The following PLCH1 variants were observed in gnomAD, a reference collection of about 807,000 sequenced individuals.
PLCH1 encodes 1-phosphatidylinositol 4,5-bisphosphate phosphodiesterase eta-1.
Under a neutral mutation model 126.7 loss-of-function variants are expected in PLCH1, and 60 were observed. The ratio of observed to expected loss-of-function variants is 0.47; its 90% CI spans 0.38 to 0.59. PLCH1 has a LOEUF of 0.59. Ranked by LOEUF, PLCH1 falls within the 20% of genes least tolerant of loss-of-function variation. The pLI is 0.00. For missense variants in PLCH1, 1,723 were observed against 2,040.0 expected (o/e 0.84, Z 2.99); for synonymous variants, 719 against 734.9 (o/e 0.98, Z 0.35).
At chr3:155,554,305 T>C in intron 8 of PLCH1, 109 bp from the exon 9 acceptor site, 2 of 1,034,314 alleles carry the variant, frequency 1.9e-6, no homozygotes, top group African/African-American at 1.6e-5. Context: ...TATACCCATT[T>C]CAATCCTGAC....
intron 7 of PLCH1, among the ~76,000 whole-genome samples, chr3:155,565,414 C>A (rs1169499711): frequency 6.6e-6 from 1 of 152,036 alleles, no homozygotes; most frequent in Non-Finnish European, 1.5e-5. Flanking sequence ...GCTGTCTTTG[C>A]AGTAGCGCAT....
intron 7 of PLCH1, 40 bp downstream of exon 7, chr3:155,568,191 G>C: frequency 1.1e-6 from 1 of 898,676 alleles, no homozygotes; most frequent in African/African-American, 1.7e-5. Flanking sequence ...TTAACAGGCT[G>C]AATCAAGAAA....
intron 2 of PLCH1, among the ~76,000 whole-genome samples, chr3:155,699,383 T>G (rs145091694): frequency 1.6e-3 from 245 of 152,338 alleles, no homozygotes; most frequent in Non-Finnish European, 3.1e-3. Flanking sequence ...AGCCTGATAC[T>G]TTTAATCTTA....
At chr3:155,695,640 A>G (rs1236393653) in intron 2 of PLCH1, among the ~76,000 whole-genome samples, 1 of 152,268 alleles carries the variant, frequency 6.6e-6, no homozygotes, top group African/African-American at 2.4e-5. Context: ...CTTGGGTTGG[A>G]GAGACAGAAA....
chr3:155,567,043 A>C (rs774561778), intron 7 of PLCH1, among the ~76,000 whole-genome samples: 3 of 152,160 alleles, frequency 2.0e-5, no homozygotes, highest in Non-Finnish European at 4.4e-5. Flanking sequence ...TTTTTAAAAC[A>C]GTTTTTAATG....
Position 155,482,956 on chromosome 3 carries a change from G to C in PLCH1, c.3070C>G (p.Leu1024Val). 6.2e-7 allele frequency: 1 copy of C among 1,614,118 alleles called. No homozygotes were observed. The highest frequency in any genetic ancestry group is 8.5e-7 in the Non-Finnish European group (1 of 1,179,964). ...CCTTGGCTGGTATCTTTGTGGAGCA[G>C]AGCACTGGAGGAGGATGATAACTTT... ...NKKLSSSSSA[L>V]LHKDTSQGDT... The change falls in exon 23 of 23, where the codon CTG becomes GTG. Residue 1024 changes from leucine to valine, a missense_variant. Leu to Val is a conservative substitution (Grantham distance 32, BLOSUM62 1). Coordinates refer to ENST00000460012, the MANE Select transcript of PLCH1 (RefSeq NM_014996.4).
intron 2 of PLCH1, among the ~76,000 whole-genome samples, chr3:155,644,747 C>T (rs1427158564): frequency 6.6e-6 from 1 of 152,112 alleles, no homozygotes; most frequent in Non-Finnish European, 1.5e-5. Context: ...CATGTTTATA[C>T]TTATAATTAC....
chr3:155,712,994 T>TA (rs10684622), intron 1 of PLCH1, among the ~76,000 whole-genome samples: 62,733 of 142,918 alleles, frequency 0.44, 15,215 homozygotes, highest in African/African-American at 0.64. Flanking sequence ...ATCTTGTCTT[T>TA]AAAAAAAAAA....
chr3:155,454,937 G>T (rs1401900095), intron 21 of PLCH1, among the ~76,000 whole-genome samples: 1 of 152,170 alleles, frequency 6.6e-6, no homozygotes, highest in Non-Finnish European at 1.5e-5. Context: ...GTCATAATAA[G>T]ATATAAAGGA....
chr3:155,562,105 T>C (rs1257669679), intron 8 of PLCH1, among the ~76,000 whole-genome samples: 2 of 152,198 alleles, frequency 1.3e-5, no homozygotes, highest in East Asian at 3.8e-4. Flanking sequence ...CTTAAGTGTC[T>C]GGTTTATAGT....
At chr3:155,724,384 T>C (rs149100780) in intron 1 of PLCH1, among the ~76,000 whole-genome samples, 3,517 of 152,268 alleles carry the variant, frequency 0.023, 133 homozygotes, top group African/African-American at 0.081. Flanking sequence ...CCTTATTTCT[T>C]AGGTCTAGTA....
At chr3:155,652,494 G>A (rs1019398526) in intron 2 of PLCH1, among the ~76,000 whole-genome samples, 24 of 152,154 alleles carry the variant, frequency 1.6e-4, no homozygotes, top group African/African-American at 5.5e-4. Flanking sequence ...GCGTGTGTGT[G>A]TGGGACCTTG....
chr3:155,526,650 GAAGCAGAGC>G, intron 10 of PLCH1, among the ~76,000 whole-genome samples: 1 of 152,056 alleles, frequency 6.6e-6, no homozygotes. Context: ...AGGAATCTCG[GAAGCAGAGC>G]TTCCCTCAGT....
At chr3:155,662,695 C>T (rs1478357553) in intron 2 of PLCH1, among the ~76,000 whole-genome samples, 2 of 151,974 alleles carry the variant, frequency 1.3e-5, no homozygotes, top group Admixed American at 6.6e-5. Flanking sequence ...GATGGAGTCT[C>T]ACTCTGTCGT....
At chr3:155,619,511 A>AAG (rs1560257310) in intron 2 of PLCH1, among the ~76,000 whole-genome samples, 161 of 152,066 alleles carry the variant, frequency 1.1e-3, no homozygotes, top group African/African-American at 3.3e-3. Context: ...AAAAAAAAAA[A>AAG]AAGAAGAAAA....
chr3:155,512,586 A>C (rs1441114584), intron 12 of PLCH1, among the ~76,000 whole-genome samples: 2 of 152,212 alleles, frequency 1.3e-5, no homozygotes. Context: ...GACGAAGTGT[A>C]CTATGGCCAA....
At chr3:155,647,368 T>C (rs553027848) in intron 2 of PLCH1, among the ~76,000 whole-genome samples, 22 of 151,922 alleles carry the variant, frequency 1.4e-4, no homozygotes, top group Admixed American at 5.9e-4. Flanking sequence ...CCTCATTCAA[T>C]AGTAATTTAA....
rs1445112933 is a variant in PLCH1, at chr3:155,494,189, C to T, written c.2134G>A (p.Ala712Thr). ...MMQLNRAKFKANGNCGYVLKP... is the reference protein window; with the variant it reads ...MMQLNRAKFKTNGNCGYVLKP... The stretch of plus-strand genomic sequence containing the variant: ...AGGACATAGCCACAATTGCCATTTG[C>T]CTTGAATTTGGCTCGGTTTAACTGC... The change falls in exon 17 of 23, where the codon GCA becomes ACA. Residue 712 changes from alanine to threonine, a missense_variant. By Grantham distance (58) the Ala-to-Thr change is moderately conservative. Around this residue, in one of 2 missense-constraint regions of PLCH1, gnomAD observed 776 missense variants for 1,062.9 expected, o/e 0.73. Coordinates refer to ENST00000460012, the MANE Select transcript of PLCH1 (RefSeq NM_014996.4). 1.2e-5 allele frequency: 20 copies of T among 1,614,014 alleles called. No individual in the cohort carries two copies. Among genetic ancestry groups the T allele is most frequent in the Non-Finnish European group, 1.5e-5 (18 of 1,180,026 alleles).
At chr3:155,707,814 C>G (rs1271931510) in intron 1 of PLCH1, among the ~76,000 whole-genome samples, 1 of 152,192 alleles carries the variant, frequency 6.6e-6, no homozygotes, top group Admixed American at 6.5e-5. Context: ...AGACCTTCAA[C>G]ACTTTCGGGA....
Sources: allele counts gnomAD v4.1 joint callset (sites outside exome capture counted in the v4.1 genomes callset), GRCh38; gene constraint gnomAD v4.1.1; regional missense constraint gnomAD v4.1.1; transcripts MANE v1.5; gene names NCBI Gene and HGNC (gene_info 2026-07-23, HGNC 2026-07-21).